The following DNAH14 variants were observed in gnomAD, a reference collection of about 807,000 sequenced individuals.
DNAH14 encodes axonemal beta dynein heavy chain 14.
Under a neutral mutation model 520.9 loss-of-function variants are expected in DNAH14, and 478 were observed. The observed-to-expected ratio is 0.92, with a 90% CI of 0.85 to 0.99. DNAH14 has a LOEUF of 0.99. Among genes scored for constraint, DNAH14 ranks in the 50% least tolerant of loss-of-function variants. The pLI is 0.00. For synonymous variants in DNAH14, 1,581 were observed against 1,757.2 expected, an observed-to-expected ratio of 0.90 and a Z score of 2.51; for missense variants, 4,831 against 5,234.5, an observed-to-expected ratio of 0.92 and a Z score of 2.38.
chr1:225,082,472 A>G (rs1319321144), intron 19 of DNAH14, 77 bp from the exon 20 acceptor site: 5 of 1,166,718 alleles, frequency 4.3e-6, no homozygotes, highest in Non-Finnish European at 4.6e-6. Context: ...AAAGAAAAAA[A>G]TCTTATTTTC....
At chr1:225,263,941 A>C (rs1417301243) in intron 46 of DNAH14, among the ~76,000 whole-genome samples, 1 of 152,120 alleles carries the variant, frequency 6.6e-6, no homozygotes, top group African/African-American at 2.4e-5. Flanking sequence ...CTTACTATCC[A>C]GAGAAAATAT....
chr1:225,296,559 T>G (rs568892231), intron 55 of DNAH14, among the ~76,000 whole-genome samples: 1 of 151,636 alleles, frequency 6.6e-6, no homozygotes, highest in East Asian at 1.9e-4. Context: ...TTTTTCCCCT[T>G]TGTGTATTGG....
At chr1:225,334,908 G>GTA (rs1553333943) in intron 66 of DNAH14, among the ~76,000 whole-genome samples, 20,017 of 146,282 alleles carry the variant, frequency 0.14, 1,531 homozygotes, top group South Asian at 0.3. Flanking sequence ...GTGTGTGTGT[G>GTA]TATATGTATA....
At chr1:225,339,141 CAAAAAAAAA>C (rs5781399) in intron 68 of DNAH14, among the ~76,000 whole-genome samples, 1 of 131,472 alleles carries the variant, frequency 7.6e-6, no homozygotes, top group African/African-American at 3.1e-5. Context: ...CAATGAAATA[CAAAAAAAAA>C]AAAAAAAAAA....
At chr1:225,100,603 C>A in intron 22 of DNAH14, 110 bp from the exon 23 acceptor site, 1 of 877,710 alleles carries the variant, frequency 1.1e-6, no homozygotes, top group Non-Finnish European at 1.6e-6. Flanking sequence ...GAAAATTTAA[C>A]ATCAAATGTT....
At chr1:224,954,774 A>G (rs1244460191) in intron 2 of DNAH14, among the ~76,000 whole-genome samples, 185 bp from the exon 3 acceptor site, 2 of 152,170 alleles carry the variant, frequency 1.3e-5, no homozygotes, top group African/African-American at 4.8e-5. Flanking sequence ...AATAGATATT[A>G]TATTGTATTG....
At chr1:225,098,315 T>C (rs1454825237) in intron 22 of DNAH14, among the ~76,000 whole-genome samples, 1 of 152,210 alleles carries the variant, frequency 6.6e-6, no homozygotes, top group Non-Finnish European at 1.5e-5. Flanking sequence ...TTCAAATTCA[T>C]TGACCTCTAA....
Position 225,159,309 on chromosome 1 carries a change from T to C in DNAH14, c.5274-5T>C. ...CTCTGTGTTTGTTTTCTTCTACCAT[T>C]GAAGTGATACCAGTGACAGTCTTTC... On this transcript the variant is annotated splice_region_variant and splice_polypyrimidine_tract_variant and intron_variant, in intron 34 of 85. Transcript: ENST00000682510. 1.9e-6 allele frequency: 3 copies of C among 1,550,338 alleles called. No homozygotes were observed. Among genetic ancestry groups the C allele is most frequent in the Non-Finnish European group, 1.7e-6 (2 of 1,146,214 alleles).
chr1:225,306,354 A>C (rs1295921096), intron 58 of DNAH14, among the ~76,000 whole-genome samples: 1 of 152,160 alleles, frequency 6.6e-6, no homozygotes, highest in African/African-American at 2.4e-5. Flanking sequence ...GTTCTGTTTC[A>C]AGGAGAGGCT....
chr1:225,035,475 G>A (rs1345608078), intron 11 of DNAH14, among the ~76,000 whole-genome samples: 1 of 150,746 alleles, frequency 6.6e-6, no homozygotes, highest in Non-Finnish European at 1.5e-5. Flanking sequence ...TCTTTAAGAT[G>A]TATCATTAGG....
intron 61 of DNAH14, among the ~76,000 whole-genome samples, chr1:225,322,294 G>A (rs945497449): frequency 6.6e-5 from 10 of 151,586 alleles, no homozygotes; most frequent in Non-Finnish European, 1.0e-4. Context: ...TCGCCATGTT[G>A]GCCAGGCTGG....
At chr1:224,967,761 T>C (rs939860888) in intron 6 of DNAH14, 178 bp downstream of exon 6, 1 of 1,512,022 alleles carries the variant, frequency 6.6e-7, no homozygotes, top group African/African-American at 1.4e-5. Flanking sequence ...TTTTTCCTTT[T>C]GTGTAGAGAT....
intron 52 of DNAH14, among the ~76,000 whole-genome samples, chr1:225,273,613 G>A (rs1241548632): frequency 6.6e-6 from 1 of 152,102 alleles, no homozygotes; most frequent in African/African-American, 2.4e-5. Context: ...AATCATCATT[G>A]ATGCCTTTGC....
In DNAH14 at chr1:225,152,885, T is replaced by C; in HGVS notation, c.5196+2T>C. The C allele has an allele frequency of 6.5e-7, 1 of 1,544,656 alleles. No individual in the cohort carries two copies. Among genetic ancestry groups the C allele is most frequent in the African/African-American group, 1.4e-5 (1 of 72,654 alleles). The stretch of plus-strand genomic sequence containing the variant: ...GCGCGCAAACAGCTCTCACAACAGG[T>C]AAATAGCTACTTTTCTCAAAATATT... On this transcript the variant is annotated splice_donor_variant, in intron 33 of 85. Coordinates refer to ENST00000682510, the MANE Select transcript of DNAH14 (RefSeq NM_001367479.1). LOFTEE classifies it high-confidence loss of function.
intron 55 of DNAH14, among the ~76,000 whole-genome samples, chr1:225,297,854 T>C (rs2094045160): frequency 6.6e-6 from 1 of 152,170 alleles, no homozygotes; most frequent in African/African-American, 2.4e-5. Context: ...TTGGCTGGCC[T>C]GGTTGTGTGT....
rs984749172 is a variant in DNAH14 at position 225,010,258 on chromosome 1, A to G, written c.1107+2714A>G. On this transcript the variant is annotated intron_variant, in intron 10 of 85. Transcript: ENST00000682510. ...GTCATAAATAGCTCTTATAATTTTG[A>G]GATCTGTTCCATCAATACCTAGTTT... Among the ~76,000 whole-genome samples the G allele has an allele frequency of 1.9e-4, 29 of 152,152 alleles. 1 individual carries two copies. Among genetic ancestry groups the G allele is most frequent in the Middle Eastern group, 3.2e-3 (1 of 316 alleles).
chr1:225,335,166 CATGTGTACATGTGCGCATGTGTGT>C (rs1337403378), intron 66 of DNAH14, among the ~76,000 whole-genome samples: 1 of 146,030 alleles, frequency 6.8e-6, no homozygotes, highest in Non-Finnish European at 1.5e-5. Context: ...TGCATGTGTG[CATGTGTACATGTGCGCATGTGTGT>C]ATATATGCAC....
intron 8 of DNAH14, among the ~76,000 whole-genome samples, chr1:224,986,700 A>G (rs1405208128): frequency 2.0e-5 from 3 of 152,204 alleles, no homozygotes; most frequent in Non-Finnish European, 4.4e-5. Flanking sequence ...GCCATGTATG[A>G]CAGATTCACA....
chr1:225,188,711 C>T (rs1043160161), intron 37 of DNAH14, among the ~76,000 whole-genome samples: 6 of 151,866 alleles, frequency 4.0e-5, no homozygotes, highest in Admixed American at 2.0e-4. Context: ...TTGGCTTTTC[C>T]ATTTCTGCAG....
Sources: gnomAD v4.1 joint callset for allele counts (sites outside exome capture counted in the v4.1 genomes callset) on GRCh38, gnomAD v4.1.1 for gene constraint, MANE v1.5 for transcripts, NCBI Gene and HGNC (gene_info 2026-07-23, HGNC 2026-07-21) for gene names.